DLGAP2: variants seen among roughly 807,000 people sequenced by gnomAD.
The protein encoded by DLGAP2 is disks large-associated protein 2.
In DLGAP2, 26 loss-of-function variants were observed where a neutral mutation model predicts 100.3. The observed-to-expected ratio is 0.26, with a 90% CI of 0.19 to 0.36. DLGAP2 has a LOEUF of 0.36. Among genes scored for constraint, DLGAP2 ranks in the 10% least tolerant of loss-of-function variants. The pLI, the probability that DLGAP2 is intolerant of heterozygous loss-of-function variation, is 1.00. For missense variants in DLGAP2, 1,858 were observed against 1,453.2 expected (o/e 1.28, Z -4.53); for synonymous variants, 886 against 630.1 (o/e 1.41, Z -6.08).
At chr8:1,437,303 ATGCGGGTTTGTATCAG>A (rs2130040842) in intron 3 of DLGAP2, among the ~76,000 whole-genome samples, 1 of 152,282 alleles carries the variant, frequency 6.6e-6, no homozygotes, top group Admixed American at 6.5e-5. Context: ...GCGCGAAGCC[ATGCGGGTTTGTATCAG>A]TGCGCTCCAC....
chr8:1,167,367 GA>G (rs1305639982), intron 2 of DLGAP2, among the ~76,000 whole-genome samples: 1 of 152,118 alleles, frequency 6.6e-6, no homozygotes, highest in Non-Finnish European at 1.5e-5. Flanking sequence ...ACCTCACAGG[GA>G]GTTGCTAAGC....
intron 1 of DLGAP2, among the ~76,000 whole-genome samples, chr8:875,107 C>G (rs1256395983): frequency 6.6e-6 from 1 of 152,090 alleles, no homozygotes; most frequent in East Asian, 1.9e-4. Flanking sequence ...ATTTTTCTAT[C>G]CTTTTACTTT....
At chr8:1,370,439 T>C (rs1802210057) in intron 3 of DLGAP2, among the ~76,000 whole-genome samples, 2 of 152,116 alleles carry the variant, frequency 1.3e-5, no homozygotes, top group South Asian at 2.1e-4. Context: ...AATAGTGAGG[T>C]GGAAAATGAA....
intron 3 of DLGAP2, among the ~76,000 whole-genome samples, chr8:1,420,183 C>G (rs971674220): frequency 9.2e-5 from 14 of 152,188 alleles, no homozygotes; most frequent in African/African-American, 3.4e-4. Flanking sequence ...ACTGCCTTAT[C>G]CTGAGGCTCT....
At chr8:1,593,477 TAAAA>T (rs919662168) in intron 6 of DLGAP2, among the ~76,000 whole-genome samples, 4 of 151,476 alleles carry the variant, frequency 2.6e-5, no homozygotes, top group African/African-American at 7.3e-5. Flanking sequence ...AATAATAAAA[TAAAA>T]ATAAATAAAT....
At chr8:1,022,938 G>C (rs957970126) in intron 2 of DLGAP2, among the ~76,000 whole-genome samples, 1 of 152,216 alleles carries the variant, frequency 6.6e-6, no homozygotes, top group Non-Finnish European at 1.5e-5. Context: ...AAACAATCTT[G>C]ATCTGAATCT....
At chr8:1,383,025 T>C (rs1231943807) in intron 3 of DLGAP2, among the ~76,000 whole-genome samples, 1 of 152,194 alleles carries the variant, frequency 6.6e-6, no homozygotes, top group Non-Finnish European at 1.5e-5. Flanking sequence ...GTCATCTTAT[T>C]TTTGTGGAAC....
chr8:908,012 C>T (rs990600250), intron 2 of DLGAP2, 46 bp downstream of exon 2: 1 of 398,674 alleles, frequency 2.5e-6, no homozygotes, highest in African/African-American at 2.1e-5. Context: ...TGTTTCGTAT[C>T]AGTGGCAAAA....
intron 3 of DLGAP2, among the ~76,000 whole-genome samples, chr8:1,365,505 C>T (rs559487108): frequency 1.3e-5 from 2 of 152,172 alleles, no homozygotes; most frequent in African/African-American, 2.4e-5. Context: ...CAGGTGCCCT[C>T]CCAGGTCCAG....
chr8:1,577,138 A>G (rs1296894118), intron 6 of DLGAP2, among the ~76,000 whole-genome samples: 1 of 152,220 alleles, frequency 6.6e-6, no homozygotes, highest in Non-Finnish European at 1.5e-5. Context: ...GTGAATTTCT[A>G]ATGTTCTCAT....
intron 2 of DLGAP2, among the ~76,000 whole-genome samples, chr8:953,909 GTTC>G (rs1000693236): frequency 6.6e-6 from 1 of 152,210 alleles, no homozygotes; most frequent in Non-Finnish European, 1.5e-5. Flanking sequence ...CATCAAGGAT[GTTC>G]TTTAGTGAAA....
At chr8:1,609,362 G>A (rs1241272809) in intron 6 of DLGAP2, among the ~76,000 whole-genome samples, 2 of 134,812 alleles carry the variant, frequency 1.5e-5, no homozygotes, top group Non-Finnish European at 3.3e-5. Flanking sequence ...TCACCACCAG[G>A]CCTGCCCTAA....
intron 6 of DLGAP2, among the ~76,000 whole-genome samples, chr8:1,566,579 G>A (rs534490264): frequency 9.8e-5 from 15 of 152,288 alleles, no homozygotes; most frequent in East Asian, 1.9e-4. Context: ...TGCCTTCTGC[G>A]GCCGGCTGTG....
At chr8:1,345,113 T>C (rs2117091550) in intron 3 of DLGAP2, among the ~76,000 whole-genome samples, 1 of 130,552 alleles carries the variant, frequency 7.7e-6, no homozygotes, top group Middle Eastern at 4.0e-3. Context: ...TAGCTGCTTA[T>C]ATAAATGACA....
At chr8:1,170,620 A>G (rs1248755148) in intron 2 of DLGAP2, among the ~76,000 whole-genome samples, 2 of 137,106 alleles carry the variant, frequency 1.5e-5, no homozygotes, top group Non-Finnish European at 3.3e-5. Flanking sequence ...GGGAGAGTGT[A>G]TGTGTCGAGG....
chr8:759,156 C>A (rs1169030042), intron 1 of DLGAP2, among the ~76,000 whole-genome samples: 11 of 86,546 alleles, frequency 1.3e-4, no homozygotes, highest in African/African-American at 3.8e-4. Flanking sequence ...ATTATCAATA[C>A]CCCCCACAGC....
At chr8:828,345 C>G (rs1796720299) in intron 1 of DLGAP2, among the ~76,000 whole-genome samples, 1 of 152,184 alleles carries the variant, frequency 6.6e-6, no homozygotes, top group Admixed American at 6.5e-5. Context: ...GTTCAGAGAC[C>G]TACCCCTAGG....
intron 6 of DLGAP2, among the ~76,000 whole-genome samples, chr8:1,582,308 A>ACACACATGTACACACC (rs1563235711): frequency 9.3e-5 from 9 of 96,970 alleles, no homozygotes; most frequent in African/African-American, 2.8e-4. Context: ...ATACAGATAA[A>ACACACATGTACACACC]ACCTTAAAAA....
At chr8:1,504,735 G>A (rs1799846538) in intron 4 of DLGAP2, among the ~76,000 whole-genome samples, 1 of 152,148 alleles carries the variant, frequency 6.6e-6, no homozygotes, top group African/African-American at 2.4e-5. Flanking sequence ...CACTTTTTAA[G>A]ACTGAGTAGG....
Sources: gnomAD v4.1 joint callset for allele counts (sites outside exome capture counted in the v4.1 genomes callset) on GRCh38, gnomAD v4.1.1 for gene constraint, MANE v1.5 for transcripts, NCBI Gene and HGNC (gene_info 2026-07-23, HGNC 2026-07-21) for gene names.